The following NAA20 variants were observed in gnomAD, a reference collection of about 807,000 sequenced individuals.
NAA20 encodes N-alpha-acetyltransferase 20, NatB catalytic subunit.
A neutral mutation model predicts 23.8 loss-of-function variants in NAA20; 24 were observed. The observed-to-expected ratio is 1.01, with a 90% CI of 0.73 to 1.42. The LOEUF is 1.42. Ranked by LOEUF, NAA20 falls within the 40% of genes most tolerant of loss-of-function variation. The probability of loss-of-function intolerance (pLI) is 0.00; values close to 1 mark genes in which losing one functional copy is unlikely to be tolerated. For missense variants in NAA20, 166 were observed against 223.1 expected, an observed-to-expected ratio of 0.74 and a Z score of 1.63; for synonymous variants, 83 against 77.7, an observed-to-expected ratio of 1.07 and a Z score of -0.36.
chr20:20,020,331 G>A (rs888084054), intron 1 of NAA20, among the ~76,000 whole-genome samples: 4 of 152,172 alleles, frequency 2.6e-5, no homozygotes, highest in African/African-American at 9.7e-5. Context: ...TTAGTTTGGG[G>A]GTTCAGGGAG....
chr20:20,021,027 G>A (rs6136914), intron 1 of NAA20, among the ~76,000 whole-genome samples: 1 of 130,430 alleles, frequency 7.7e-6, no homozygotes, highest in Non-Finnish European at 1.6e-5. Flanking sequence ...TGTGTGCGTG[G>A]GTTCGGTGGG....
chr20:20,024,198 T>A (rs2043291739), intron 2 of NAA20, among the ~76,000 whole-genome samples: 1 of 152,188 alleles, frequency 6.6e-6, no homozygotes, highest in Admixed American at 6.5e-5. Context: ...GCAGGAGAGT[T>A]ACTAAGCATT....
Position 20,032,622 on chromosome 20 carries a change from CA to C in NAA20, c.421del (p.Ser141AlafsTer12), listed in dbSNP as rs1351524154. ...YRTVIEYYSA[S>X]NGEPDEDAYD... ...GGACGGTCATAGAGTACTATTCGGC[CA>C]GCAACGGGGAGCCTGATGAGGACGC... On this transcript the variant is annotated frameshift_variant, in exon 5 of 6. Coordinates refer to ENST00000334982, the MANE Select transcript of NAA20 (RefSeq NM_016100.5). LOFTEE classifies it high-confidence loss of function. The C allele has an allele frequency of 1.9e-6, 3 of 1,606,008 alleles. No individual in the cohort carries two copies. Among genetic ancestry groups the C allele is most frequent in the African/African-American group, 1.3e-5 (1 of 74,744 alleles).
chr20:20,019,067 T>C (rs2043251030), intron 1 of NAA20, among the ~76,000 whole-genome samples: 1 of 152,230 alleles, frequency 6.6e-6, no homozygotes, highest in South Asian at 2.1e-4. Flanking sequence ...CCCAGCCATC[T>C]CATCCCATAG....
At chr20:20,022,929 G>A (rs1271265329) in intron 2 of NAA20, among the ~76,000 whole-genome samples, 2 of 152,186 alleles carry the variant, frequency 1.3e-5, no homozygotes, top group Non-Finnish European at 2.9e-5. Context: ...TGTTCCAGAT[G>A]TTGCCACAGC....
At position 20,029,750 on chromosome 20, in the gene NAA20, C is replaced by T. The variant is rs547183905; in HGVS notation, c.306-2758C>T. On this transcript the variant is annotated intron_variant, in intron 4 of 5. Coordinates refer to ENST00000334982, the MANE Select transcript of NAA20 (RefSeq NM_016100.5). ...TATTATAATGGGAGATTTAGACATG[C>T]TTTTTTCTAATTGATAGAACAATGA... is the stretch of plus-strand genomic sequence containing the variant. Among the ~76,000 whole-genome samples, 8 of 152,130 alleles carry T rather than the reference C, an allele frequency of 5.3e-5. No individual in the cohort carries two copies. In the South Asian group the frequency reaches 1.7e-3, roughly 32 times the overall value.
At chr20:20,032,315 C>G (rs1350315773) in intron 4 of NAA20, among the ~76,000 whole-genome samples, 193 bp from the exon 5 acceptor site, 1 of 151,742 alleles carries the variant, frequency 6.6e-6, no homozygotes, top group Non-Finnish European at 1.5e-5. Flanking sequence ...TGTTCTTACA[C>G]TGCAAAGTAA....
chr20:20,018,059 T>A, intron 1 of NAA20: 1 of 1,614,202 alleles, frequency 6.2e-7, no homozygotes, highest in Non-Finnish European at 8.5e-7. Flanking sequence ...TTTGCAAGTT[T>A]AGTTACTGTA....
intron 5 of NAA20, among the ~76,000 whole-genome samples, 151 bp from the exon 6 acceptor site, chr20:20,032,944 TACACTTG>T (rs1291498407): frequency 6.6e-6 from 1 of 152,204 alleles, no homozygotes. Context: ...TAGCATCTGG[TACACTTG>T]GCAATTGGGA....
chr20:20,022,377 A>T, intron 1 of NAA20, 79 bp from the exon 2 acceptor site: 1 of 1,384,306 alleles, frequency 7.2e-7, no homozygotes, highest in African/African-American at 1.5e-5. Flanking sequence ...GTGGCATATT[A>T]CTGTTAGCTT....
intron 4 of NAA20, among the ~76,000 whole-genome samples, chr20:20,031,372 G>T (rs954751083): frequency 3.3e-5 from 5 of 152,070 alleles, no homozygotes; most frequent in Admixed American, 2.6e-4. Context: ...TGGACAATTG[G>T]ATGTCCCTAT....
At chr20:20,018,319 C>T in intron 1 of NAA20, 1 of 520,044 alleles carries the variant, frequency 1.9e-6, no homozygotes, top group Non-Finnish European at 3.5e-6. Flanking sequence ...CTGCAGTTAA[C>T]ATTTTGCTAC....
chr20:20,021,137 C>T (rs1013097813), intron 1 of NAA20, among the ~76,000 whole-genome samples: 6 of 149,338 alleles, frequency 4.0e-5, no homozygotes, highest in South Asian at 2.1e-4. Context: ...GGTGAGGGTG[C>T]GGGTGGGCAG....
chr20:20,033,315 C>G lies in NAA20; in HGVS notation c.*128C>G, dbSNP rs2043362190. 3.0e-6 allele frequency: 2 copies of G among 676,622 alleles called. No homozygotes were observed. Among genetic ancestry groups the G allele is most frequent in the East Asian group, 5.2e-5 (2 of 38,156 alleles). 41.9% of individuals were successfully genotyped at this position (676,622 alleles called of 1,614,324 possible). ...AGGTCTTAAAGACTTCAAGAAAATA[C>G]AGGTTATCAATTTATTTTAAATCTC... is the stretch of plus-strand genomic sequence containing the variant. On this transcript the variant is annotated 3_prime_UTR_variant, in exon 6 of 6. Transcript: ENST00000334982.
intron 4 of NAA20, among the ~76,000 whole-genome samples, chr20:20,029,476 G>C (rs187930519): frequency 6.6e-6 from 1 of 152,102 alleles, no homozygotes; most frequent in Non-Finnish European, 1.5e-5. Flanking sequence ...AATTAGCCGG[G>C]TGTGGTAGCA....
chr20:20,025,645 A>G (rs201772485), intron 2 of NAA20, 32 bp from the exon 3 acceptor site: 14 of 1,520,126 alleles, frequency 9.2e-6, no homozygotes, highest in Admixed American at 3.4e-5. Context: ...TTTACTGTCC[A>G]TTACTTTTCA....
intron 2 of NAA20, among the ~76,000 whole-genome samples, chr20:20,025,328 C>G (rs1013630838): frequency 6.6e-6 from 1 of 152,148 alleles, no homozygotes; most frequent in African/African-American, 2.4e-5. Flanking sequence ...TATTCATAGA[C>G]TAAGAGGAGG....
rs553270288 is a variant in NAA20 at position 20,017,362 on chromosome 20, C to A, written c.-35C>A. On this transcript the variant is annotated 5_prime_UTR_variant, in exon 1 of 6. Transcript: ENST00000334982. The stretch of plus-strand genomic sequence containing the variant: ...ACTTCCGGCAGGGCGGGCGCGGGGT[C>A]TTGGCGAACGGTCTTCGGAAGCGGC... 1.4e-4 allele frequency: 228 copies of A among 1,610,018 alleles called. No homozygotes were observed. In the East Asian group the frequency reaches 4.8e-3, roughly 34 times the overall value.
rs747567134 is a variant in NAA20, at chr20:20,032,629, G to A, written c.427G>A (p.Gly143Arg). ...TVIEYYSASN[G>R]EPDEDAYDMR... ...CATAGAGTACTATTCGGCCAGCAAC[G>A]GGGAGCCTGATGAGGACGCTTATGG... The change falls in exon 5 of 6, where the codon GGG becomes AGG. Residue 143 changes from glycine (G) to arginine (R), a missense_variant. Coordinates refer to ENST00000334982, the MANE Select transcript of NAA20 (RefSeq NM_016100.5). The A allele has an allele frequency of 1.1e-5, 18 of 1,604,470 alleles. No individual in the cohort carries two copies. Among genetic ancestry groups the A allele is most frequent in the African/African-American group, 2.7e-5 (2 of 74,672 alleles).
Sources: gnomAD v4.1 joint callset for allele counts (sites outside exome capture counted in the v4.1 genomes callset) on GRCh38, gnomAD v4.1.1 for gene constraint, MANE v1.5 for transcripts, NCBI Gene and HGNC (gene_info 2026-07-23, HGNC 2026-07-21) for gene names.